PLCD1: variants seen among roughly 807,000 people sequenced by gnomAD.
The protein encoded by PLCD1 is phospholipase C delta 1.
PLCD1 carries 71 observed loss-of-function variants against 87.4 expected under a neutral mutation model. That is an observed-to-expected ratio of 0.81 (90% CI 0.67 to 0.99). The LOEUF (loss-of-function observed/expected upper bound fraction) is 0.99. Among genes scored for constraint, PLCD1 ranks in the 50% least tolerant of loss-of-function variants. The probability of loss-of-function intolerance (pLI) is 0.00; values close to 1 mark genes in which losing one functional copy is unlikely to be tolerated. For missense variants in PLCD1, 867 were observed against 1,001.5 expected, an observed-to-expected ratio of 0.87 and a Z score of 1.81; for synonymous variants, 348 against 399.2, an observed-to-expected ratio of 0.87 and a Z score of 1.53.
intron 3 of PLCD1, 74 bp from the exon 4 acceptor site, chr3:38,011,747 C>G: frequency 6.9e-7 from 1 of 1,459,120 alleles, no homozygotes; most frequent in Non-Finnish European, 9.6e-7. Flanking sequence ...ATGGATGGCT[C>G]CAGCTGAAGC....
chr3:38,020,427 C>A, intron 1 of PLCD1, 75 bp from the exon 2 acceptor site: 1 of 1,375,578 alleles, frequency 7.3e-7, no homozygotes, highest in Non-Finnish European at 1.0e-6. Context: ...ACTGGCCATG[C>A]CCACCTCGAC....
At position 38,008,446 on chromosome 3, in the gene PLCD1, G is replaced by T. The variant is rs1430421151; in HGVS notation, c.1902+12C>A. 38 of 1,614,002 alleles carry T rather than the reference G, an allele frequency of 2.4e-5. No homozygotes were observed. The highest frequency in any genetic ancestry group is 3.1e-5 in the Non-Finnish European group (37 of 1,179,988). ...GGTCCGTGGGCACCTGTCCCTCCTA[G>T]GTCCAGCGTACCCTGATGTTGAGCC... is the stretch of plus-strand genomic sequence containing the variant. On this transcript the variant is annotated intron_variant, in intron 12 of 14. Transcript: ENST00000334661.
intron 3 of PLCD1, chr3:38,014,565 A>G (rs1242596767): frequency 6.5e-6 from 1 of 153,786 alleles, no homozygotes; most frequent in Non-Finnish European, 1.5e-5. Context: ...AAGAATATCA[A>G]GAGGCTGATC....
Position 38,020,265 on chromosome 3 carries a change from A to G in PLCD1, c.122T>C (p.Phe41Ser). Reference sequence around the variant, plus strand: ...CTTGCAGTCCTCCTGCAACTTGTAGAAGCGCTCTCTCCTCCATGAGCTGGA... The same window carrying G: ...CTTGCAGTCCTCCTGCAACTTGTAGGAGCGCTCTCTCCTCCATGAGCTGGA... ...VKSSSWRRER[F>S]YKLQEDCKTI... The change falls in exon 2 of 15, where the codon TTC (phenylalanine) becomes TCC (serine). Residue 41 changes from phenylalanine (F) to serine (S), a missense_variant. Coordinates refer to ENST00000334661, the MANE Select transcript of PLCD1 (RefSeq NM_006225.4). 2 of 1,614,040 alleles carry G rather than the reference A, an allele frequency of 1.2e-6. No individual in the cohort carries two copies. The highest frequency in any genetic ancestry group is 1.7e-6 in the Non-Finnish European group (2 of 1,179,958).
chr3:38,009,495 C>T, intron 9 of PLCD1, 64 bp from the exon 10 acceptor site: 1 of 1,589,506 alleles, frequency 6.3e-7, no homozygotes, highest in Non-Finnish European at 8.6e-7. Context: ...ACTGAGAAAG[C>T]CAGAAACCCA....
intron 3 of PLCD1, among the ~76,000 whole-genome samples, chr3:38,012,003 C>T (rs1053868873): frequency 1.3e-5 from 2 of 151,620 alleles, no homozygotes; most frequent in Non-Finnish European, 2.9e-5. Context: ...ATCAACATTC[C>T]AAAGTATATC....
At chr3:38,022,207 G>A (rs1334615898) in intron 1 of PLCD1, among the ~76,000 whole-genome samples, 2 of 152,208 alleles carry the variant, frequency 1.3e-5, no homozygotes, top group Non-Finnish European at 1.5e-5. Flanking sequence ...TTGTGCCTTA[G>A]CGTGAGCAGC....
intron 1 of PLCD1, chr3:38,024,115 T>G: frequency 5.7e-6 from 3 of 530,786 alleles, no homozygotes; most frequent in Non-Finnish European, 6.7e-6. Context: ...AAGGGCTGAG[T>G]TAAATAATGA....
At position 38,019,559 on chromosome 3, in the gene PLCD1, G is replaced by A. The variant is rs923853464; in HGVS notation, c.199+629C>T. Among the ~76,000 whole-genome samples the A allele has an allele frequency of 5.6e-4, 86 of 152,284 alleles. 2 individuals carry two copies. The highest frequency in any genetic ancestry group is 2.0e-3 in the African/African-American group (84 of 41,550). On this transcript the variant is annotated intron_variant, in intron 2 of 14. Coordinates refer to ENST00000334661, the MANE Select transcript of PLCD1 (RefSeq NM_006225.4). ...TTAAAGGGAGAGAACTGAGTGAAGT[G>A]AGCAGAGCTTTCTTCTCCCTGAGGC... is the stretch of plus-strand genomic sequence containing the variant.
intron 3 of PLCD1, among the ~76,000 whole-genome samples, chr3:38,013,774 A>G (rs1229462072): frequency 6.6e-6 from 1 of 152,252 alleles, no homozygotes; most frequent in Non-Finnish European, 1.5e-5. Flanking sequence ...AGGTGGGATT[A>G]TGACAAAAAT....
chr3:38,007,802 G>A lies in PLCD1; in HGVS notation c.2242C>T (p.Leu748Phe). 1.2e-6 allele frequency: 2 copies of A among 1,614,192 alleles called. No homozygotes were observed. Among genetic ancestry groups the A allele is most frequent in the Non-Finnish European group, 1.7e-6 (2 of 1,180,004 alleles). Residue 748 changes from leucine (L) to phenylalanine (F), a missense_variant, in exon 15 of 15, where the codon CTC becomes TTC. Physicochemically the swap from Leu to Phe is conservative, Grantham distance 22. Transcript: ENST00000334661. The part of the protein sequence containing the change: ...KNGDQHPSAT[L>F]FVKISLQD ...TCCTGGAGGGAGATCTTCACAAAGA[G>A]GGTGGCTGATGGATGCTGGTCCCCG...
At chr3:38,027,990 G>A (rs1292571257) in intron 1 of PLCD1, among the ~76,000 whole-genome samples, 2 of 152,196 alleles carry the variant, frequency 1.3e-5, no homozygotes, top group Non-Finnish European at 2.9e-5. Context: ...GGTGGGCCAG[G>A]GCAGCCAAGC....
intron 2 of PLCD1, 54 bp downstream of exon 2, chr3:38,020,134 G>C (rs1458967837): frequency 6.7e-7 from 1 of 1,497,314 alleles, no homozygotes; most frequent in Non-Finnish European, 9.3e-7. Flanking sequence ...TATTTACCCA[G>C]CCCTGAGCAG....
At chr3:38,024,862 G>T in intron 1 of PLCD1, 1 of 546,930 alleles carries the variant, frequency 1.8e-6, no homozygotes, top group Non-Finnish European at 2.8e-6. Context: ...AACGACCCCT[G>T]GAGATGGGGC....
intron 1 of PLCD1, among the ~76,000 whole-genome samples, chr3:38,021,785 C>T (rs1261263429): frequency 6.6e-6 from 1 of 152,154 alleles, no homozygotes. Context: ...GGTCTTGAGC[C>T]TAAGCCTATG....
Position 38,011,342 on chromosome 3 carries a change from G to A in PLCD1, c.662C>T (p.Ala221Val). The A allele has an allele frequency of 6.2e-7, 1 of 1,612,618 alleles. No individual in the cohort carries two copies. The highest frequency in any genetic ancestry group is 1.3e-5 in the African/African-American group (1 of 75,026). The change falls in exon 5 of 15, where the codon GCC becomes GTC. Residue 221 changes from alanine (A) to valine (V), a missense_variant. Coordinates refer to ENST00000334661, the MANE Select transcript of PLCD1 (RefSeq NM_006225.4). ...RVEIDRTFAE[A>V]AGSGETLSVD... ...CGACAGAGTCTCCCCTGAGCCCGCG[G>A]CCTCGGCGAAGGTGCGGTCGATCTC...
intron 1 of PLCD1, chr3:38,024,099 C>A: frequency 1.9e-6 from 1 of 515,614 alleles, no homozygotes; most frequent in Non-Finnish European, 3.4e-6. Context: ...GGATGGGGAG[C>A]GTTGGAAGGG....
In PLCD1 at chr3:38,010,029, A is replaced by T; in HGVS notation, c.1162T>A (p.Ser388Thr). The T allele has an allele frequency of 6.2e-7, 1 of 1,614,146 alleles. No homozygotes were observed. The highest frequency in any genetic ancestry group is 8.5e-7 in the Non-Finnish European group (1 of 1,180,000). Residue 388 changes from serine to threonine, a missense_variant, in exon 8 of 15, where the codon TCC (serine) becomes ACC (threonine). By Grantham distance (58) the Ser-to-Thr change is moderately conservative. Transcript: ENST00000334661. Reference protein sequence around the residue: ...FKASPYPVILSLENHCTLEQQ... With the variant: ...FKASPYPVILTLENHCTLEQQ... Reference sequence around the variant, plus strand: ...TCCAGTGTGCAGTGGTTCTCCAGGGATAGGATGACAGGGTAGGGGGACGCC... The same window carrying T: ...TCCAGTGTGCAGTGGTTCTCCAGGGTTAGGATGACAGGGTAGGGGGACGCC...
At position 38,020,655 on chromosome 3, in the gene PLCD1, G is replaced by A. The variant is rs78207985; in HGVS notation, c.35-303C>T. Among the ~76,000 whole-genome samples the A allele has an allele frequency of 2.6e-5, 4 of 152,310 alleles. No homozygotes were observed. In the East Asian group the frequency reaches 7.7e-4, roughly 29 times the overall value. ...CAGCTGAATGAACAAAAGAAAGGCAGCTAATTCAAGAACCCCTGGTTCCTA... is the reference window on the plus strand; with the variant it reads ...CAGCTGAATGAACAAAAGAAAGGCAACTAATTCAAGAACCCCTGGTTCCTA... On this transcript the variant is annotated intron_variant, in intron 1 of 14. Transcript: ENST00000334661.
Sources: allele counts gnomAD v4.1 joint callset (sites outside exome capture counted in the v4.1 genomes callset), GRCh38; gene constraint gnomAD v4.1.1; transcripts MANE v1.5; gene names NCBI Gene and HGNC (gene_info 2026-07-23, HGNC 2026-07-21).